Variants in ABCA12 observed in about 807,000 individuals in gnomAD.
ABCA12 encodes glucosylceramide transporter ABCA12.
In ABCA12, 156 loss-of-function variants were observed where a neutral mutation model predicts 293.5. That is an observed-to-expected ratio of 0.53 (90% CI 0.47 to 0.61). ABCA12 has a LOEUF of 0.61. Among genes scored for constraint, ABCA12 ranks in the 20% least tolerant of loss-of-function variants. ABCA12 has a pLI of 0.00. For synonymous variants in ABCA12, 1,063 were observed against 1,108.0 expected (o/e 0.96, Z 0.81); for missense variants, 2,797 against 3,090.2 (o/e 0.91, Z 2.25).
Position 215,011,581 on chromosome 2 carries a change from A to G in ABCA12, c.2190T>C (p.Cys730=). 6.2e-7 allele frequency: 1 copy of G among 1,614,092 alleles called. No individual in the cohort carries two copies. Among genetic ancestry groups the G allele is most frequent in the Non-Finnish European group, 8.5e-7 (1 of 1,179,948 alleles). The part of the protein sequence containing the change: ...GSFSTISQAL[C]SQGITTEYLT... ...AATATTCAGTGGTAATTCCTTGAGAACATAATGCTTGGGAGATGGTGCTAA... is the reference window on the plus strand; with the variant it reads ...AATATTCAGTGGTAATTCCTTGAGAGCATAATGCTTGGGAGATGGTGCTAA... The change falls in exon 17 of 53, where the codon TGT becomes TGC. Residue 730 remains cysteine (C), a synonymous_variant. Transcript: ENST00000272895.
In ABCA12 at chr2:215,076,703, T is replaced by A. The variant is rs114735817; in HGVS notation, c.164-12484A>T. Among the ~76,000 whole-genome samples, 1,261 of 152,284 alleles carry A rather than the reference T, an allele frequency of 8.3e-3. 17 individuals carry two copies. The highest frequency in any genetic ancestry group is 0.029 in the African/African-American group (1,187 of 41,558). On this transcript the variant is annotated intron_variant, in intron 2 of 52. Coordinates refer to ENST00000272895, the MANE Select transcript of ABCA12 (RefSeq NM_173076.3). The stretch of plus-strand genomic sequence containing the variant: ...ACATATAAAAGAATATCCATTATGG[T>A]AATAAATTGAAAGTGTTCATCAAAA...
chr2:214,986,819 T>C (rs1315043472), intron 27 of ABCA12, 91 bp from the exon 28 acceptor site: 1 of 1,146,280 alleles, frequency 8.7e-7, no homozygotes, highest in Non-Finnish European at 1.3e-6. Flanking sequence ...TTTAAGACTA[T>C]AAAAATATAA....
chr2:215,049,811 G>A lies in ABCA12; in HGVS notation c.508C>T (p.Leu170=), dbSNP rs775838994. ...TCTGAAGTTGAATTTTGCTTTAACA[G>A]CTAAAAGCATGTGTGAAAAGAGTAA... ...VLARILGLEK[L]LKQNSTSEDI... Residue 170 remains leucine (L), a splice_region_variant and synonymous_variant, in exon 6 of 53, where the codon CTG becomes TTG. Transcript: ENST00000272895. The A allele has an allele frequency of 6.2e-6, 10 of 1,610,502 alleles. No homozygotes were observed. In the South Asian group the frequency reaches 1.1e-4, roughly 18 times the overall value.
chr2:215,068,540 C>T (rs1335946555), intron 2 of ABCA12, among the ~76,000 whole-genome samples: 1 of 152,106 alleles, frequency 6.6e-6, no homozygotes, highest in Non-Finnish European at 1.5e-5. Flanking sequence ...CATCTCCCTC[C>T]TTCCCCTGCC....
At chr2:215,020,248 TG>T (rs1700598390) in intron 11 of ABCA12, among the ~76,000 whole-genome samples, 2 of 148,554 alleles carry the variant, frequency 1.3e-5, no homozygotes, top group Admixed American at 1.3e-4. Context: ...TTGGAGAAGA[TG>T]TGGAGAAATT....
chr2:215,075,654 C>A (rs886122385), intron 2 of ABCA12: 1 of 647,610 alleles, frequency 1.5e-6, no homozygotes, highest in Non-Finnish European at 2.7e-6. Flanking sequence ...GTATTAAGCA[C>A]TTAAAATGAA....
chr2:214,968,608 C>T, intron 38 of ABCA12, 112 bp downstream of exon 38: 3 of 1,046,538 alleles, frequency 2.9e-6, no homozygotes, highest in South Asian at 2.6e-5. Flanking sequence ...GGGTTATGCA[C>T]AATGCCAAAT....
In ABCA12 at chr2:215,001,593, G is replaced by C. The variant is rs761495344; in HGVS notation, c.2828C>G (p.Ala943Gly). Residue 943 changes from alanine (A) to glycine (G), a missense_variant, in exon 21 of 53, where the codon GCT (alanine) becomes GGT (glycine). Around this residue, in one of 3 missense-constraint regions of ABCA12, gnomAD observed 2,130 missense variants for 2,427.0 expected, o/e 0.88. Transcript: ENST00000272895. ...AKTIDEMERE[A>G]KRLYKSNELF... ...TTCGTTGCTTTTGTAGAGCCTTTTA[G>C]CCTCTCTCTCCATTTCATCTATGGT... is the stretch of plus-strand genomic sequence containing the variant. 3 of 1,613,692 alleles carry C rather than the reference G, an allele frequency of 1.9e-6. No individual in the cohort carries two copies. The highest frequency in any genetic ancestry group is 2.5e-6 in the Non-Finnish European group (3 of 1,179,782).
chr2:215,074,668 G>T (rs1701799580), intron 2 of ABCA12, among the ~76,000 whole-genome samples: 1 of 152,130 alleles, frequency 6.6e-6, no homozygotes, highest in Non-Finnish European at 1.5e-5. Context: ...AATAGGCCAG[G>T]CGTGGAGGCT....
intron 1 of ABCA12, among the ~76,000 whole-genome samples, chr2:215,123,074 G>A (rs1702841868): frequency 6.6e-6 from 1 of 152,046 alleles, no homozygotes; most frequent in South Asian, 2.1e-4. Flanking sequence ...TAGGATAATG[G>A]CCTCCAGCTC....
At chr2:215,021,514 A>G (rs973759840) in intron 11 of ABCA12, among the ~76,000 whole-genome samples, 18 of 152,174 alleles carry the variant, frequency 1.2e-4, no homozygotes, top group Admixed American at 1.3e-4. Flanking sequence ...TGGGGAAAAA[A>G]TAATATGTGC....
Position 214,949,158 on chromosome 2 carries a change from A to G in ABCA12, c.6853-9T>C. ...CCAAGAAGCCCAAAACACTGGTTTG[A>G]GGGAGAAAAAGAAGATATAAGCCTT... On this transcript the variant is annotated splice_polypyrimidine_tract_variant and intron_variant, in intron 45 of 52. Transcript: ENST00000272895. 6.3e-7 allele frequency: 1 copy of G among 1,599,764 alleles called. No individual in the cohort carries two copies. Among genetic ancestry groups the G allele is most frequent in the Non-Finnish European group, 8.6e-7 (1 of 1,167,108 alleles).
intron 50 of ABCA12, among the ~76,000 whole-genome samples, chr2:214,938,106 GC>G (rs1231591232): frequency 2.2e-5 from 3 of 133,680 alleles, no homozygotes. Flanking sequence ...CCCTCCCCTA[GC>G]CCCCCACCCC....
intron 28 of ABCA12, among the ~76,000 whole-genome samples, chr2:214,986,267 T>C (rs1189886130): frequency 6.6e-6 from 1 of 152,172 alleles, no homozygotes; most frequent in African/African-American, 2.4e-5. Flanking sequence ...ATGAACTCAA[T>C]GTTGTAGAAT....
chr2:215,031,402 T>C (rs1325934799), intron 9 of ABCA12, among the ~76,000 whole-genome samples: 1 of 152,154 alleles, frequency 6.6e-6, no homozygotes, highest in African/African-American at 2.4e-5. Context: ...AAGATGATGG[T>C]ATTAGGAGGC....
chr2:215,048,807 G>A (rs556371121), intron 6 of ABCA12, among the ~76,000 whole-genome samples: 12 of 152,266 alleles, frequency 7.9e-5, no homozygotes, highest in South Asian at 4.1e-4. Flanking sequence ...TATACACTGC[G>A]GAATACTATG....
chr2:215,064,387 C>A (rs1701598328), intron 2 of ABCA12, among the ~76,000 whole-genome samples, 168 bp from the exon 3 acceptor site: 1 of 151,968 alleles, frequency 6.6e-6, no homozygotes, highest in African/African-American at 2.4e-5. Context: ...TAGGAGCAGT[C>A]TTGGAGGGTG....
At chr2:214,954,243 C>G in intron 43 of ABCA12, 136 bp from the exon 44 acceptor site, 1 of 873,074 alleles carries the variant, frequency 1.1e-6, no homozygotes, top group Non-Finnish European at 1.8e-6. Flanking sequence ...CCCATATAGG[C>G]TGAATTTGCA....
At chr2:215,112,309 G>A (rs1208008594) in intron 1 of ABCA12, among the ~76,000 whole-genome samples, 1 of 149,258 alleles carries the variant, frequency 6.7e-6, no homozygotes, top group Non-Finnish European at 1.5e-5. Context: ...TTCTATCATA[G>A]AACTTACACC....
Sources: allele counts gnomAD v4.1 joint callset (sites outside exome capture counted in the v4.1 genomes callset), GRCh38; gene constraint gnomAD v4.1.1; regional missense constraint gnomAD v4.1.1; transcripts MANE v1.5; gene names NCBI Gene and HGNC (gene_info 2026-07-23, HGNC 2026-07-21).